The following ADK variants were observed in gnomAD, a reference collection of about 807,000 sequenced individuals.
ADK encodes the protein adenosine kinase, also known as N6,N6-dimethyladenosine kinase.
Under a neutral mutation model 44.7 loss-of-function variants are expected in ADK, and 24 were observed. That is an observed-to-expected ratio of 0.54 (90% CI 0.39 to 0.76). The LOEUF (loss-of-function observed/expected upper bound fraction) is 0.76. ADK is among the 30% of genes least tolerant of loss of function. ADK has a pLI of 0.00. For missense variants in ADK, 321 were observed against 425.1 expected (o/e 0.76, Z 2.15); for synonymous variants, 128 against 142.6 (o/e 0.90, Z 0.73).
chr10:74,369,929 G>A (rs190373923), intron 4 of ADK, among the ~76,000 whole-genome samples: 27 of 152,248 alleles, frequency 1.8e-4, no homozygotes, highest in Middle Eastern at 3.4e-3. Context: ...ATTGAGTTTA[G>A]CATGCTTGCA....
At chr10:74,592,436 G>A (rs1851756854) in intron 8 of ADK, among the ~76,000 whole-genome samples, 1 of 152,092 alleles carries the variant, frequency 6.6e-6, no homozygotes, top group African/African-American at 2.4e-5. Context: ...TAAATAAAGT[G>A]AAGAAAATAC....
intron 9 of ADK, among the ~76,000 whole-genome samples, chr10:74,632,307 T>C (rs1269991122): frequency 6.6e-6 from 1 of 152,230 alleles, no homozygotes; most frequent in African/African-American, 2.4e-5. Context: ...TTTATTGCCA[T>C]GTAACATTCT....
intron 7 of ADK, among the ~76,000 whole-genome samples, chr10:74,542,831 G>T (rs1422956439): frequency 6.6e-6 from 1 of 151,898 alleles, no homozygotes; most frequent in Non-Finnish European, 1.5e-5. Context: ...GTGCATCTTA[G>T]AAATCATTCC....
At chr10:74,573,824 A>G (rs1283156156) in intron 7 of ADK, among the ~76,000 whole-genome samples, 2 of 152,154 alleles carry the variant, frequency 1.3e-5, no homozygotes, top group African/African-American at 2.4e-5. Context: ...TGCGGGATAT[A>G]ATCTCCTGGT....
chr10:74,694,217 C>A (rs1856094474), intron 10 of ADK, among the ~76,000 whole-genome samples: 1 of 100,648 alleles, frequency 9.9e-6, no homozygotes. Flanking sequence ...TTGGATCTGA[C>A]TAAAGACTAA....
At chr10:74,547,154 T>C (rs534524857) in intron 7 of ADK, among the ~76,000 whole-genome samples, 3 of 152,246 alleles carry the variant, frequency 2.0e-5, no homozygotes, top group South Asian at 4.1e-4. Flanking sequence ...GCATTCTTGC[T>C]TTTTCTCTCT....
chr10:74,616,026 G>T (rs888276580), intron 9 of ADK, among the ~76,000 whole-genome samples: 2 of 152,012 alleles, frequency 1.3e-5, no homozygotes, highest in Non-Finnish European at 2.9e-5. Context: ...CTGGCATTTG[G>T]ATATCATCTT....
intron 4 of ADK, among the ~76,000 whole-genome samples, chr10:74,383,483 C>T (rs1315437239): frequency 6.6e-6 from 1 of 152,070 alleles, no homozygotes; most frequent in Non-Finnish European, 1.5e-5. Context: ...CCACGTAAGC[C>T]TCATATATCC....
intron 9 of ADK, among the ~76,000 whole-genome samples, chr10:74,669,629 A>C (rs1211330541): frequency 1.3e-5 from 2 of 152,238 alleles, no homozygotes; most frequent in African/African-American, 4.8e-5. Context: ...TTTTTAGTAA[A>C]CCAACTAAAA....
At chr10:74,341,042 T>G (rs904798804) in intron 4 of ADK, among the ~76,000 whole-genome samples, 7 of 152,248 alleles carry the variant, frequency 4.6e-5, no homozygotes, top group Non-Finnish European at 7.3e-5. Flanking sequence ...GAGTGAAATC[T>G]TATTAGCTTG....
chr10:74,267,884 C>A (rs1846276982), intron 3 of ADK, among the ~76,000 whole-genome samples: 1 of 151,396 alleles, frequency 6.6e-6, no homozygotes, highest in South Asian at 2.1e-4. Context: ...ATCTACTCTG[C>A]AACTGGAGAT....
chr10:74,427,727 ATGTGTGTGTG>A (rs35949478), intron 6 of ADK, among the ~76,000 whole-genome samples: 4 of 148,396 alleles, frequency 2.7e-5, no homozygotes, highest in African/African-American at 1.0e-4. Context: ...ATGTATATGT[ATGTGTGTGTG>A]TGTGTGTGTG....
rs557530808 is a variant in ADK at position 74,206,431 on chromosome 10, G to A, written c.140+5593G>A. On this transcript the variant is annotated intron_variant, in intron 2 of 10. Coordinates refer to ENST00000539909, the MANE Select transcript of ADK (RefSeq NM_006721.4). ...CAGTGAGTAGAACTAGTCTTTTAGA[G>A]TCACAGCTCATTGTTTCAGTAGCTA... is the stretch of plus-strand genomic sequence containing the variant. Among the ~76,000 whole-genome samples the A allele has an allele frequency of 1.2e-4, 18 of 152,336 alleles. 1 individual carries two copies. The South Asian group carries it at 3.7e-3, about 32-fold the overall frequency.
chr10:74,380,517 G>A (rs1842947330), intron 4 of ADK, among the ~76,000 whole-genome samples: 1 of 152,004 alleles, frequency 6.6e-6, no homozygotes, highest in Non-Finnish European at 1.5e-5. Context: ...CAGCACTTTG[G>A]GGAGGCTGAG....
chr10:74,684,485 T>C (rs769396385), intron 10 of ADK, among the ~76,000 whole-genome samples: 3 of 152,160 alleles, frequency 2.0e-5, no homozygotes, highest in Non-Finnish European at 4.4e-5. Context: ...TATAAAATAA[T>C]TTAAGCCAGG....
In ADK at chr10:74,444,036, A is replaced by G. The variant is rs1845512808; in HGVS notation, c.555+45457A>G. Among the ~76,000 whole-genome samples, 2 of 152,152 alleles carry G rather than the reference A, an allele frequency of 1.3e-5. 1 individual carries two copies. The highest frequency in any genetic ancestry group is 4.1e-4 in the South Asian group (2 of 4,826). On this transcript the variant is annotated intron_variant, in intron 6 of 10. Coordinates refer to ENST00000539909, the MANE Select transcript of ADK (RefSeq NM_006721.4). ...TGAGAAAGAATCATACCAGAGCTTT[A>G]TAGATCACCAGTTCTATCTCCTGTC... is the stretch of plus-strand genomic sequence containing the variant.
chr10:74,386,779 T>G (rs1843156535), intron 4 of ADK, among the ~76,000 whole-genome samples: 1 of 152,174 alleles, frequency 6.6e-6, no homozygotes, highest in Admixed American at 6.5e-5. Flanking sequence ...TGTTTTTCAT[T>G]GTTTTTGTTA....
chr10:74,468,615 A>C (rs895245513), intron 6 of ADK, among the ~76,000 whole-genome samples: 1 of 152,182 alleles, frequency 6.6e-6, no homozygotes, highest in African/African-American at 2.4e-5. Context: ...TATAATGTGC[A>C]AGTTTAATAA....
At chr10:74,548,162 ATAATT>A (rs1849906086) in intron 7 of ADK, among the ~76,000 whole-genome samples, 1 of 152,208 alleles carries the variant, frequency 6.6e-6, no homozygotes, top group African/African-American at 2.4e-5. Context: ...GCTGTATAAT[ATAATT>A]TATTTTCATT....
Sources: gnomAD v4.1 joint callset for allele counts (sites outside exome capture counted in the v4.1 genomes callset) on GRCh38, gnomAD v4.1.1 for gene constraint, MANE v1.5 for transcripts, NCBI Gene and HGNC (gene_info 2026-07-23, HGNC 2026-07-21) for gene names.